Variants in SCN9A observed in about 807,000 individuals in gnomAD.
The protein encoded by SCN9A is sodium channel protein type 9 subunit alpha.
Under a neutral mutation model 187.0 loss-of-function variants are expected in SCN9A, and 131 were observed. The observed-to-expected ratio is 0.70, with a 90% CI of 0.61 to 0.81. The LOEUF (loss-of-function observed/expected upper bound fraction) is 0.81. Ranked by LOEUF, SCN9A falls within the 30% of genes least tolerant of loss-of-function variation. SCN9A has a pLI of 0.00. For missense variants in SCN9A, 2,252 were observed against 2,396.6 expected, an observed-to-expected ratio of 0.94 and a Z score of 1.26; for synonymous variants, 809 against 808.6, an observed-to-expected ratio of 1.00 and a Z score of -0.01.
intron 1 of SCN9A, among the ~76,000 whole-genome samples, chr2:166,348,474 T>G (rs573173020): frequency 6.6e-6 from 1 of 152,276 alleles, no homozygotes; most frequent in Admixed American, 6.5e-5. Context: ...CCTAAACCCT[T>G]TCCCTTTGCT....
chr2:166,292,769 T>G (rs1312717442), intron 9 of SCN9A, among the ~76,000 whole-genome samples: 1 of 152,152 alleles, frequency 6.6e-6, no homozygotes, highest in Non-Finnish European at 1.5e-5. Context: ...AGTCTACAGT[T>G]GGGAGCAATT....
chr2:166,292,375 G>T (rs1698113917), intron 9 of SCN9A, among the ~76,000 whole-genome samples: 1 of 151,774 alleles, frequency 6.6e-6, no homozygotes, highest in Admixed American at 6.6e-5. Flanking sequence ...TTTTATTTGT[G>T]TTTCTTTAAT....
chr2:166,228,724 A>G lies in SCN9A; in HGVS notation c.4173T>C (p.Asn1391=), dbSNP rs201434299. 10 of 1,613,486 alleles carry G rather than the reference A, an allele frequency of 6.2e-6. No homozygotes were observed. In the African/African-American group the frequency reaches 9.3e-5, roughly 15 times the overall value. Residue 1391 remains asparagine (N), a synonymous_variant, in exon 22 of 27, where the codon AAT becomes AAC. Coordinates refer to ENST00000642356, the MANE Select transcript of SCN9A (RefSeq NM_001365536.1). ...GCAGAGATAGGTAACCAAGTCCGAC[A>G]TTATCAAAGTTCACTTTCAGGTTTT... ...RWKNLKVNFD[N]VGLGYLSLLQ...
At chr2:166,277,406 T>C in intron 15 of SCN9A, 67 bp from the exon 16 acceptor site, 1 of 1,118,220 alleles carries the variant, frequency 8.9e-7, no homozygotes, top group Non-Finnish European at 1.3e-6. Flanking sequence ...CAATCTTGAT[T>C]TTTGTTCAAA....
At chr2:166,292,092 G>C (rs1698099468) in intron 9 of SCN9A, among the ~76,000 whole-genome samples, 1 of 152,092 alleles carries the variant, frequency 6.6e-6, no homozygotes, top group African/African-American at 2.4e-5. Flanking sequence ...AAACTAAAGA[G>C]CTTCTGCACA....
intron 24 of SCN9A, among the ~76,000 whole-genome samples, chr2:166,206,778 T>C (rs1693827149): frequency 6.6e-6 from 1 of 152,148 alleles, no homozygotes; most frequent in Non-Finnish European, 1.5e-5. Flanking sequence ...AATGATAATA[T>C]ACATTTCTAT....
At chr2:166,338,506 G>T (rs1435644315) in intron 1 of SCN9A, among the ~76,000 whole-genome samples, 1 of 151,836 alleles carries the variant, frequency 6.6e-6, no homozygotes, top group Non-Finnish European at 1.5e-5. Flanking sequence ...TTTATTGTGA[G>T]CTAATTATAG....
At chr2:166,278,050 T>C in intron 15 of SCN9A, 90 bp downstream of exon 15, 1 of 1,084,062 alleles carries the variant, frequency 9.2e-7, no homozygotes. Flanking sequence ...GCCTTTTGAT[T>C]CAAATTCCCA....
chr2:166,214,042 G>T (rs906337417), intron 24 of SCN9A, among the ~76,000 whole-genome samples: 12 of 152,132 alleles, frequency 7.9e-5, no homozygotes, highest in Non-Finnish European at 1.6e-4. Flanking sequence ...TTAAGGAAAT[G>T]TATTTATTTC....
rs1014229994 is a variant in SCN9A at position 166,204,457 on chromosome 2, C to T, written c.4406G>A (p.Gly1469Asp). 5.2e-6 allele frequency: 8 copies of T among 1,524,182 alleles called. No homozygotes were observed. Among genetic ancestry groups the T allele is most frequent in the African/African-American group, 3.7e-5 (2 of 54,608 alleles). 94.4% of individuals were successfully genotyped at this position (1,524,182 alleles called of 1,614,324 possible). ...TTCTTCTGTCATAAAGATGTCTTGACCTCCAAGGTAAAGAAACAAACAAAA... is the reference window on the plus strand; with the variant it reads ...TTCTTCTGTCATAAAGATGTCTTGATCTCCAAGGTAAAGAAACAAACAAAA... The part of the protein sequence containing the change: ...NFNQQKKKLG[G>D]QDIFMTEEQK... Residue 1469 changes from glycine (G) to aspartate (D), a missense_variant, in exon 25 of 27, where the codon GGT becomes GAT. This residue lies in a region of SCN9A where 368 missense variants were observed against 408.6 expected (regional missense o/e 0.90). Transcript: ENST00000642356.
At chr2:166,232,748 T>G (rs1695137198) in intron 21 of SCN9A, among the ~76,000 whole-genome samples, 2 of 83,972 alleles carry the variant, frequency 2.4e-5, no homozygotes, top group Non-Finnish European at 5.2e-5. Flanking sequence ...TATATATATA[T>G]ATATAGAGAG....
chr2:166,371,888 T>C (rs1003338296), intron 1 of SCN9A, among the ~76,000 whole-genome samples: 13 of 152,198 alleles, frequency 8.5e-5, no homozygotes, highest in Non-Finnish European at 1.9e-4. Context: ...TCCTTCAAGA[T>C]GTAATGTGGT....
At chr2:166,222,621 C>T (rs1034930696) in intron 24 of SCN9A, among the ~76,000 whole-genome samples, 15 of 149,006 alleles carry the variant, frequency 1.0e-4, no homozygotes, top group Non-Finnish European at 1.9e-4. Context: ...AGTGAGACTC[C>T]TTCAAAAACA....
In SCN9A at chr2:166,195,976, G is replaced by A. The variant is rs200403282; in HGVS notation, c.*2696C>T. ...GGCAGGAGGGTTGCTTGAGCCCAGA[G>A]TTGAGGCTGCAGAGAGCTATGATCA... On this transcript the variant is annotated 3_prime_UTR_variant, in exon 27 of 27. Transcript: ENST00000642356. 2 of 152,226 alleles carry A rather than the reference G, an allele frequency of 1.3e-5. No homozygotes were observed. The highest frequency in any genetic ancestry group is 2.9e-5 in the Non-Finnish European group (2 of 68,120). The allele number at this position is 152,226 out of a possible 1,614,324, so 9.4% of individuals were successfully genotyped here. A position where few individuals can be genotyped will look rare whatever the true frequency, so the allele number is the denominator to read the frequency against.
intron 17 of SCN9A, among the ~76,000 whole-genome samples, chr2:166,271,864 TAA>T (rs957762013): frequency 1.3e-5 from 2 of 150,428 alleles, no homozygotes; most frequent in Non-Finnish European, 3.0e-5. Flanking sequence ...CTCCGTTTTT[TAA>T]AAAAAAGAAG....
intron 17 of SCN9A, among the ~76,000 whole-genome samples, chr2:166,257,262 A>T (rs1366498276): frequency 6.6e-6 from 1 of 151,654 alleles, no homozygotes; most frequent in Non-Finnish European, 1.5e-5. Flanking sequence ...GTAAAGAAGG[A>T]TTGGAACCTT....
Position 166,286,560 on chromosome 2 carries a change from C to T in SCN9A, c.1378G>A (p.Glu460Lys). 6.2e-7 allele frequency: 1 copy of T among 1,604,274 alleles called. No individual in the cohort carries two copies. Among genetic ancestry groups the T allele is most frequent in the Non-Finnish European group, 8.5e-7 (1 of 1,176,930 alleles). ...AGTTTGGATGTTTCAGAAGAACTCT[C>T]TGAGAGGCCCATAATTCTGCTTCTC... Reference protein sequence around the residue: ...IRRSRIMGLSESSSETSKLSS... With the variant: ...IRRSRIMGLSKSSSETSKLSS... The change falls in exon 11 of 27, where the codon GAG becomes AAG. Residue 460 changes from glutamate (E) to lysine (K), a missense_variant. Glu to Lys is a moderately conservative substitution (Grantham distance 56). Coordinates refer to ENST00000642356, the MANE Select transcript of SCN9A (RefSeq NM_001365536.1).
chr2:166,246,327 A>G (rs1558979870), intron 18 of SCN9A, among the ~76,000 whole-genome samples: 1 of 151,972 alleles, frequency 6.6e-6, no homozygotes, highest in Non-Finnish European at 1.5e-5. Context: ...AAAAAGAAAA[A>G]AAAAGGTGAA....
Position 166,280,547 on chromosome 2 carries a change from G to T in SCN9A, c.2153C>A (p.Ala718Glu), listed in dbSNP as rs2106475877. The T allele has an allele frequency of 6.9e-6, 11 of 1,591,498 alleles. No individual in the cohort carries two copies. The highest frequency in any genetic ancestry group is 9.4e-6 in the Non-Finnish European group (11 of 1,167,072). The part of the protein sequence containing the change: ...QKCPPWWYRF[A>E]HKFLIWNCSP... The stretch of plus-strand genomic sequence containing the variant: ...GCAATTCCAGATCAAGAATTTGTGT[G>T]CAAATCTGTACCACCAAGGTGGACA... The change falls in exon 14 of 27, where the codon GCA becomes GAA. Residue 718 changes from alanine (A) to glutamate (E), a missense_variant. Physicochemically the swap from Ala to Glu is moderately radical, Grantham distance 107. Transcript: ENST00000642356.
Sources: allele counts gnomAD v4.1 joint callset (sites outside exome capture counted in the v4.1 genomes callset), GRCh38; gene constraint gnomAD v4.1.1; regional missense constraint gnomAD v4.1.1; transcripts MANE v1.5; gene names NCBI Gene and HGNC (gene_info 2026-07-23, HGNC 2026-07-21).